The following PRDM5 variants were observed in gnomAD, a reference collection of about 807,000 sequenced individuals.
PRDM5 encodes the protein PR/SET domain 5, also known as PR domain zinc finger protein 5.
Under a neutral mutation model 81.2 loss-of-function variants are expected in PRDM5, and 56 were observed. The observed-to-expected ratio is 0.69, with a 90% CI of 0.56 to 0.86. The LOEUF is 0.86. PRDM5 is among the 40% of genes least tolerant of loss of function. PRDM5 has a pLI of 0.00. For synonymous variants in PRDM5, 267 were observed against 256.4 expected (o/e 1.04, Z -0.39); for missense variants, 697 against 770.1 (o/e 0.91, Z 1.12).
intron 11 of PRDM5, among the ~76,000 whole-genome samples, chr4:120,784,708 A>G (rs904517449): frequency 3.3e-5 from 5 of 152,204 alleles, no homozygotes; most frequent in Admixed American, 2.6e-4. Context: ...AACAAAACTC[A>G]AAGATGTCTT....
intron 7 of PRDM5, among the ~76,000 whole-genome samples, chr4:120,813,748 CT>C (rs1754146711): frequency 6.6e-6 from 1 of 152,186 alleles, no homozygotes; most frequent in South Asian, 2.1e-4. Flanking sequence ...AATATTCCCT[CT>C]TTTCCAGGTC....
intron 2 of PRDM5, among the ~76,000 whole-genome samples, chr4:120,869,516 A>G (rs1033273454): frequency 6.6e-6 from 1 of 152,254 alleles, no homozygotes; most frequent in Non-Finnish European, 1.5e-5. Context: ...CTGACAGCTT[A>G]TATAATCTGA....
intron 13 of PRDM5, among the ~76,000 whole-genome samples, chr4:120,754,996 T>C (rs187702303): frequency 1.2e-4 from 19 of 152,338 alleles, no homozygotes; most frequent in Admixed American, 9.8e-4. Flanking sequence ...TCTATCACTG[T>C]ACTACTCTTT....
chr4:120,699,223 T>C lies in PRDM5; in HGVS notation c.1729-3948A>G, dbSNP rs1457463662. On this transcript the variant is annotated intron_variant, in intron 15 of 15. Coordinates refer to ENST00000264808, the MANE Select transcript of PRDM5 (RefSeq NM_018699.4). ...ATATATATTTCAGATGTCTCCTTAA[T>C]AATTTCCATTTTTGGCTTACTTCTC... Among the ~76,000 whole-genome samples, 3 of 139,410 alleles carry C rather than the reference T, an allele frequency of 2.2e-5. No homozygotes were observed. The East Asian group carries it at 6.1e-4, about 28-fold the overall frequency. The allele number at this position is 139,410 out of a possible 152,430, so 91.5% of individuals were successfully genotyped here. A position where few individuals can be genotyped will look rare whatever the true frequency, so the allele number is the denominator to read the frequency against.
chr4:120,710,667 G>C (rs934767779), intron 14 of PRDM5, among the ~76,000 whole-genome samples: 15 of 152,138 alleles, frequency 9.9e-5, no homozygotes, highest in Non-Finnish European at 2.1e-4. Flanking sequence ...TCTCATGATA[G>C]TGAGTGAATT....
chr4:120,850,395 C>T (rs1445110748), intron 3 of PRDM5, among the ~76,000 whole-genome samples: 4 of 152,082 alleles, frequency 2.6e-5, no homozygotes, highest in East Asian at 1.9e-4. Flanking sequence ...CTTTCAGCCA[C>T]GTGACCCAAC....
At chr4:120,880,514 T>A (rs1336280847) in intron 2 of PRDM5, among the ~76,000 whole-genome samples, 1 of 152,180 alleles carries the variant, frequency 6.6e-6, no homozygotes, top group East Asian at 1.9e-4. Flanking sequence ...CACAATATTA[T>A]CAATTCAACC....
intron 14 of PRDM5, among the ~76,000 whole-genome samples, chr4:120,744,110 C>G (rs577648489): frequency 1.3e-5 from 2 of 152,114 alleles, no homozygotes. Context: ...CAAACTAGAA[C>G]GCAGGATTAA....
chr4:120,876,196 C>T (rs758635917), intron 2 of PRDM5, among the ~76,000 whole-genome samples: 3 of 152,166 alleles, frequency 2.0e-5, no homozygotes, highest in East Asian at 1.9e-4. Context: ...TTGTGAGACA[C>T]GCACATCCAC....
intron 13 of PRDM5, among the ~76,000 whole-genome samples, chr4:120,776,678 G>A (rs1748198215): frequency 6.6e-6 from 1 of 152,052 alleles, no homozygotes; most frequent in South Asian, 2.1e-4. Context: ...TCTTTCATTG[G>A]AGAAATTACA....
At chr4:120,780,589 A>G (rs927287911) in intron 12 of PRDM5, among the ~76,000 whole-genome samples, 7 of 152,188 alleles carry the variant, frequency 4.6e-5, no homozygotes, top group African/African-American at 1.7e-4. Flanking sequence ...CCCAAGTAGC[A>G]TAAGACACAC....
At chr4:120,876,439 AAAGAT>A in intron 2 of PRDM5, among the ~76,000 whole-genome samples, 3 of 152,204 alleles carry the variant, frequency 2.0e-5, no homozygotes, top group Non-Finnish European at 4.4e-5. Context: ...TGTCAATTAC[AAAGAT>A]TTTGTGTATT....
chr4:120,693,470 A>G lies in PRDM5; in HGVS notation c.*1641T>C, dbSNP rs1734213368. 6.6e-6 allele frequency: 1 copy of G among 152,150 alleles called. No homozygotes were observed. The highest frequency in any genetic ancestry group is 2.1e-4 in the South Asian group (1 of 4,830). 9.4% of individuals were successfully genotyped at this position (152,150 alleles called of 1,614,324 possible). A position where few individuals can be genotyped will look rare whatever the true frequency, so the allele number is the denominator to read the frequency against. Reference sequence around the variant, plus strand: ...AGACCAAAATTTATTTTTATAAAATACAGTCTATAATTTCAGATTCAAAAT... The same window carrying G: ...AGACCAAAATTTATTTTTATAAAATGCAGTCTATAATTTCAGATTCAAAAT... On this transcript the variant is annotated 3_prime_UTR_variant, in exon 16 of 16. Coordinates refer to ENST00000264808, the MANE Select transcript of PRDM5 (RefSeq NM_018699.4).
At chr4:120,831,486 T>C (rs1031159983) in intron 3 of PRDM5, among the ~76,000 whole-genome samples, 1 of 152,114 alleles carries the variant, frequency 6.6e-6, no homozygotes, top group Non-Finnish European at 1.5e-5. Context: ...TTGAACTACA[T>C]TTCAAATAAA....
intron 14 of PRDM5, among the ~76,000 whole-genome samples, chr4:120,712,116 T>C (rs1560939262): frequency 6.6e-6 from 1 of 151,812 alleles, no homozygotes; most frequent in Non-Finnish European, 1.5e-5. Context: ...TGAAACCCCG[T>C]CTCTACTAAA....
intron 14 of PRDM5, among the ~76,000 whole-genome samples, chr4:120,724,505 C>T (rs924856984): frequency 2.0e-5 from 3 of 152,180 alleles, no homozygotes; most frequent in African/African-American, 4.8e-5. Flanking sequence ...TAGTCACAGA[C>T]TCTTACATTT....
At chr4:120,845,125 A>G (rs1340669942) in intron 3 of PRDM5, among the ~76,000 whole-genome samples, 3 of 152,258 alleles carry the variant, frequency 2.0e-5, no homozygotes, top group African/African-American at 7.2e-5. Context: ...AGCCATCTCT[A>G]TAACACAAAA....
At chr4:120,742,040 T>C (rs981351465) in intron 14 of PRDM5, among the ~76,000 whole-genome samples, 5 of 152,198 alleles carry the variant, frequency 3.3e-5, no homozygotes, top group African/African-American at 1.2e-4. Context: ...CTGACAGCTT[T>C]GAAGAGAGCA....
At chr4:120,785,533 T>C (rs1451094281) in intron 10 of PRDM5, among the ~76,000 whole-genome samples, 3 of 152,166 alleles carry the variant, frequency 2.0e-5, no homozygotes, top group East Asian at 3.8e-4. Flanking sequence ...TCTCTCAACT[T>C]CACTGAATCA....
Sources: allele counts gnomAD v4.1 joint callset (sites outside exome capture counted in the v4.1 genomes callset), GRCh38; gene constraint gnomAD v4.1.1; transcripts MANE v1.5; gene names NCBI Gene and HGNC (gene_info 2026-07-23, HGNC 2026-07-21).